The following CYP19A1 variants were observed in gnomAD, a reference collection of about 807,000 sequenced individuals.
CYP19A1 encodes cytochrome P450 family 19 subfamily A member 1.
A neutral mutation model predicts 44.4 loss-of-function variants in CYP19A1; 32 were observed. The observed-to-expected ratio is 0.72, with a 90% CI of 0.54 to 0.97. The LOEUF is 0.97. Among genes scored for constraint, CYP19A1 ranks in the 50% least tolerant of loss-of-function variants. The pLI is 0.00. For synonymous variants in CYP19A1, 212 were observed against 215.6 expected (o/e 0.98, Z 0.14); for missense variants, 598 against 637.8 (o/e 0.94, Z 0.67).
chr15:51,280,203 C>T (rs1465110754), intron 1 of CYP19A1, among the ~76,000 whole-genome samples: 1 of 146,138 alleles, frequency 6.8e-6, no homozygotes, highest in East Asian at 2.1e-4. Flanking sequence ...CTCACTGCAA[C>T]CTCTGCCTCC....
intron 1 of CYP19A1, among the ~76,000 whole-genome samples, chr15:51,301,274 C>A (rs181046643): frequency 1.3e-5 from 2 of 152,366 alleles, no homozygotes; most frequent in East Asian, 3.9e-4. Flanking sequence ...CCCTGAGATT[C>A]TTTGTTCTCC....
Position 51,281,492 on chromosome 15 carries a change from G to T in CYP19A1, c.-38-38542C>A, listed in dbSNP as rs2035515526. The stretch of plus-strand genomic sequence containing the variant: ...GGCAGGAGAGGAGGACCTGCCTGGA[G>T]AAGTCACATCCAGACATACAGCCCG... On this transcript the variant is annotated intron_variant, in intron 1 of 9. Coordinates refer to ENST00000396402, the MANE Select transcript of CYP19A1 (RefSeq NM_000103.4). 2.0e-5 allele frequency among the ~76,000 whole-genome samples: 3 copies of T among 152,214 alleles called. No individual in the cohort carries two copies. The South Asian group carries it at 6.2e-4, about 32-fold the overall frequency.
At chr15:51,261,306 C>T (rs1231550434) in intron 1 of CYP19A1, among the ~76,000 whole-genome samples, 3 of 152,044 alleles carry the variant, frequency 2.0e-5, no homozygotes, top group Non-Finnish European at 4.4e-5. Context: ...TGGGAGTGGC[C>T]CACGACCATC....
chr15:51,288,661 G>A (rs992218281), intron 1 of CYP19A1, among the ~76,000 whole-genome samples: 1 of 152,124 alleles, frequency 6.6e-6, no homozygotes, highest in Non-Finnish European at 1.5e-5. Flanking sequence ...AAAAATCAGA[G>A]TCCAGATCTG....
intron 4 of CYP19A1, among the ~76,000 whole-genome samples, 178 bp downstream of exon 4, chr15:51,227,601 C>T (rs890242177): frequency 4.6e-5 from 7 of 151,532 alleles, no homozygotes; most frequent in African/African-American, 1.5e-4. Context: ...GCCTGGGAGG[C>T]GGAGGTTACA....
At chr15:51,306,483 G>A (rs28757105) in intron 1 of CYP19A1, among the ~76,000 whole-genome samples, 1,932 of 151,400 alleles carry the variant, frequency 0.013, 40 homozygotes, top group African/African-American at 0.044. Context: ...TTTCTTTAAC[G>A]TTGGAAATAA....
intron 3 of CYP19A1, among the ~76,000 whole-genome samples, chr15:51,231,763 T>C (rs1566882814): frequency 6.6e-6 from 1 of 152,058 alleles, no homozygotes; most frequent in Non-Finnish European, 1.5e-5. Context: ...CTCTTCTAGA[T>C]GACTATTATA....
Position 51,212,377 on chromosome 15 carries a change from G to A in CYP19A1, c.1206C>T (p.His402=), listed in dbSNP as rs367833729. 27 of 1,590,052 alleles carry A rather than the reference G, an allele frequency of 1.7e-5. No homozygotes were observed. The highest frequency in any genetic ancestry group is 2.3e-5 in the Non-Finnish European group (27 of 1,158,100). Residue 402 remains histidine (H), a synonymous_variant, in exon 9 of 10, where the codon CAC becomes CAT. Transcript: ENST00000396402. ...TNIILNIGRM[H]RLEFFPKPNE... ...TGGGTTTGGGGAAAAACTCGAGTCT[G>A]TGCATCCTTCCAATATTCAGGATAA...
At chr15:51,269,074 CTTTT>C (rs2035031508) in intron 1 of CYP19A1, among the ~76,000 whole-genome samples, 1 of 152,042 alleles carries the variant, frequency 6.6e-6, no homozygotes, top group African/African-American at 2.4e-5. Flanking sequence ...ATGGCTCCTA[CTTTT>C]TTTGTGTTCT....
intron 1 of CYP19A1, among the ~76,000 whole-genome samples, chr15:51,270,737 C>A (rs1160147389): frequency 6.6e-6 from 1 of 152,200 alleles, no homozygotes. Flanking sequence ...AGACCAAAAT[C>A]CATCCGTCTG....
intron 1 of CYP19A1, among the ~76,000 whole-genome samples, chr15:51,290,856 C>G (rs534434938): frequency 6.6e-6 from 1 of 152,208 alleles, no homozygotes; most frequent in Non-Finnish European, 1.5e-5. Flanking sequence ...TTTTAAGCAG[C>G]TTGGCTGGGG....
chr15:51,301,336 T>TAAAGGA (rs2036107468), intron 1 of CYP19A1, among the ~76,000 whole-genome samples: 2 of 152,232 alleles, frequency 1.3e-5, no homozygotes, highest in East Asian at 3.8e-4. Flanking sequence ...AAAACTGAGA[T>TAAAGGA]AGCACAAAGC....
In CYP19A1 at chr15:51,218,551, C is replaced by G. The variant is rs1164108421; in HGVS notation, c.733G>C (p.Glu245Gln). 4 of 1,613,074 alleles carry G rather than the reference C, an allele frequency of 2.5e-6. No homozygotes were observed. In the East Asian group the frequency reaches 8.9e-5, roughly 36 times the overall value. Reference protein sequence around the residue: ...FKISWLYKKYEKSVKDLKDAI... With the variant: ...FKISWLYKKYQKSVKDLKDAI... ...AGTTGTATTACTTACACAGACTTCT[C>G]ATACTTTTTGTATAGCCAAGAAATC... The change falls in exon 6 of 10, where the codon GAG becomes CAG. Residue 245 changes from glutamate (E) to glutamine (Q), a missense_variant. Physicochemically the swap from Glu to Gln is conservative, Grantham distance 29 (BLOSUM62 2). Coordinates refer to ENST00000396402, the MANE Select transcript of CYP19A1 (RefSeq NM_000103.4).
chr15:51,283,248 G>A (rs2035587985), intron 1 of CYP19A1, among the ~76,000 whole-genome samples: 3 of 152,196 alleles, frequency 2.0e-5, no homozygotes, highest in South Asian at 4.1e-4. Flanking sequence ...TTACTAGCCC[G>A]TTGGCTCCAC....
chr15:51,304,916 T>TTTTTTTTTTTA (rs1595773099), intron 1 of CYP19A1, among the ~76,000 whole-genome samples: 1 of 143,110 alleles, frequency 7.0e-6, no homozygotes, highest in Non-Finnish European at 1.5e-5. Context: ...TTTTTTTTTT[T>TTTTTTTTTTTA]GAGACAGGGT....
At chr15:51,261,297 G>A (rs1319864172) in intron 1 of CYP19A1, among the ~76,000 whole-genome samples, 1 of 152,120 alleles carries the variant, frequency 6.6e-6, no homozygotes, top group Non-Finnish European at 1.5e-5. Context: ...CCACCATCTT[G>A]GGAGTGGCCC....
intron 6 of CYP19A1, 51 bp from the exon 7 acceptor site, chr15:51,215,868 G>A (rs989447273): frequency 6.8e-6 from 11 of 1,608,694 alleles, no homozygotes; most frequent in Non-Finnish European, 7.6e-6. Context: ...TAGACATCTA[G>A]CGAAACAGAT....
chr15:51,222,062 C>A, intron 5 of CYP19A1: 1 of 568,608 alleles, frequency 1.8e-6, no homozygotes, highest in Non-Finnish European at 3.1e-6. Flanking sequence ...AATAACCAAA[C>A]GAACTAATCA....
chr15:51,285,879 A>C (rs977749669), intron 1 of CYP19A1, among the ~76,000 whole-genome samples: 1 of 152,142 alleles, frequency 6.6e-6, no homozygotes, highest in African/African-American at 2.4e-5. Context: ...ACTCCGCCAG[A>C]CTTCGTCACC....
Sources: allele counts gnomAD v4.1 joint callset (sites outside exome capture counted in the v4.1 genomes callset), GRCh38; gene constraint gnomAD v4.1.1; transcripts MANE v1.5; gene names NCBI Gene and HGNC (gene_info 2026-07-23, HGNC 2026-07-21).